The following DENND1A variants were observed in gnomAD, a reference collection of about 807,000 sequenced individuals.
DENND1A encodes the protein DENN domain-containing protein 1A.
In DENND1A, 51 loss-of-function variants were observed where a neutral mutation model predicts 113.7. That is an observed-to-expected ratio of 0.45 (90% confidence interval 0.36 to 0.57). The LOEUF (loss-of-function observed/expected upper bound fraction) is 0.57. Ranked by LOEUF, DENND1A falls within the 20% of genes least tolerant of loss-of-function variation. The pLI is 0.00. For missense variants in DENND1A, 1,258 were observed against 1,395.9 expected (o/e 0.90, Z 1.57); for synonymous variants, 565 against 570.8 (o/e 0.99, Z 0.14).
intron 13 of DENND1A, among the ~76,000 whole-genome samples, chr9:123,493,710 T>C (rs2051593858): frequency 6.6e-6 from 1 of 152,138 alleles, no homozygotes; most frequent in Non-Finnish European, 1.5e-5. Context: ...ACTTTGCCCC[T>C]AGTGGTACCG....
At chr9:123,409,689 G>A (rs1382383738) in intron 20 of DENND1A, among the ~76,000 whole-genome samples, 1 of 152,070 alleles carries the variant, frequency 6.6e-6, no homozygotes, top group African/African-American at 2.4e-5. Flanking sequence ...GCGCAGCTGG[G>A]ATGAGGTACC....
In DENND1A at chr9:123,409,501, C is replaced by G. The variant is rs151297978; in HGVS notation, c.1542+2275G>C. On this transcript the variant is annotated intron_variant, in intron 20 of 23. Transcript: ENST00000394215. ...ATCCGAAACAAACTGAAAGCTGAAA[C>G]TATTCTGGTCCCAAGCAGAAGACGG... Among the ~76,000 whole-genome samples, 150 of 151,174 alleles carry G rather than the reference C, an allele frequency of 9.9e-4. 2 individuals carry two copies. Among genetic ancestry groups the G allele is most frequent in the Non-Finnish European group, 1.6e-3 (108 of 67,782 alleles).
intron 2 of DENND1A, among the ~76,000 whole-genome samples, chr9:123,813,628 T>C (rs776516885): frequency 4.6e-5 from 7 of 152,130 alleles, no homozygotes; most frequent in Non-Finnish European, 8.8e-5. Flanking sequence ...CGGCTTTACT[T>C]AGACCCGAAA....
intron 12 of DENND1A, among the ~76,000 whole-genome samples, chr9:123,561,322 C>A (rs10986054): frequency 6.6e-6 from 1 of 152,052 alleles, no homozygotes; most frequent in Non-Finnish European, 1.5e-5. Context: ...ACGAGTGTGT[C>A]CCTTCCTGCC....
intron 13 of DENND1A, among the ~76,000 whole-genome samples, chr9:123,490,773 G>T (rs1052120877): frequency 6.6e-6 from 1 of 151,984 alleles, no homozygotes; most frequent in Non-Finnish European, 1.5e-5. Context: ...AATTATTAAT[G>T]AGAGTTACGT....
chr9:123,602,137 C>T (rs1190947570), intron 11 of DENND1A, among the ~76,000 whole-genome samples: 1 of 152,208 alleles, frequency 6.6e-6, no homozygotes, highest in Non-Finnish European at 1.5e-5. Flanking sequence ...TGAATACCAA[C>T]ATCTGCAGAT....
At chr9:123,500,872 G>A (rs2052420000) in intron 13 of DENND1A, among the ~76,000 whole-genome samples, 1 of 152,190 alleles carries the variant, frequency 6.6e-6, no homozygotes, top group Non-Finnish European at 1.5e-5. Context: ...GTGCTAGAGG[G>A]TTGCTGCATC....
intron 13 of DENND1A, among the ~76,000 whole-genome samples, chr9:123,535,191 C>T (rs1475730695): frequency 6.6e-6 from 1 of 152,198 alleles, no homozygotes; most frequent in Admixed American, 6.5e-5. Context: ...TTTTCCCACA[C>T]AACAGCCAAA....
intron 2 of DENND1A, among the ~76,000 whole-genome samples, chr9:123,834,572 T>C (rs73666299): frequency 0.024 from 3,594 of 152,294 alleles, 159 homozygotes; most frequent in African/African-American, 0.081. Context: ...AACACGTATA[T>C]ATATGCTTAC....
intron 12 of DENND1A, among the ~76,000 whole-genome samples, chr9:123,576,278 T>C (rs929643350): frequency 2.0e-5 from 3 of 152,240 alleles, no homozygotes; most frequent in African/African-American, 7.2e-5. Context: ...CCTCCACTGG[T>C]ATTATTTTTA....
At chr9:123,739,043 G>T (rs768637893) in intron 5 of DENND1A, among the ~76,000 whole-genome samples, 4 of 152,158 alleles carry the variant, frequency 2.6e-5, no homozygotes, top group African/African-American at 7.2e-5. Flanking sequence ...TCACATTCCA[G>T]CCTTCATAGG....
intron 13 of DENND1A, among the ~76,000 whole-genome samples, chr9:123,518,710 T>C (rs1220913825): frequency 6.6e-6 from 1 of 152,140 alleles, no homozygotes; most frequent in Non-Finnish European, 1.5e-5. Context: ...AAAAAAGCTC[T>C]TTCCTCTCCA....
At chr9:123,721,858 A>C (rs2067365678) in intron 5 of DENND1A, among the ~76,000 whole-genome samples, 1 of 152,206 alleles carries the variant, frequency 6.6e-6, no homozygotes. Flanking sequence ...CTTTATCAGC[A>C]GTGTGAAAAC....
At chr9:123,787,810 C>T (rs1047090518) in intron 3 of DENND1A, among the ~76,000 whole-genome samples, 9 of 152,044 alleles carry the variant, frequency 5.9e-5, no homozygotes, top group African/African-American at 2.2e-4. Context: ...CCCAATGTGC[C>T]ATGTTTCTAC....
rs1331901857 is a variant in DENND1A at position 123,593,946 on chromosome 9, T to C, written c.766-10676A>G. On this transcript the variant is annotated intron_variant, in intron 11 of 23. Coordinates refer to ENST00000394215, the MANE Select transcript of DENND1A (RefSeq NM_001352964.2). ...TCTGGTTGTTTGAAAGTGTGTAGCATTCCCCTCTCTCTCTCTTTCTCCTGC... is the reference window on the plus strand; with the variant it reads ...TCTGGTTGTTTGAAAGTGTGTAGCACTCCCCTCTCTCTCTCTTTCTCCTGC... 2.0e-5 allele frequency among the ~76,000 whole-genome samples: 3 copies of C among 152,140 alleles called. No individual in the cohort carries two copies. In the East Asian group the frequency reaches 5.8e-4, roughly 29 times the overall value.
chr9:123,659,611 C>T (rs1470369082), intron 8 of DENND1A, among the ~76,000 whole-genome samples: 2 of 152,186 alleles, frequency 1.3e-5, no homozygotes, highest in African/African-American at 4.8e-5. Flanking sequence ...CAGACATTGT[C>T]CTTGGAACGC....
chr9:123,574,059 C>A (rs936305761), intron 12 of DENND1A, among the ~76,000 whole-genome samples: 2 of 151,174 alleles, frequency 1.3e-5, no homozygotes, highest in African/African-American at 4.9e-5. Flanking sequence ...AAATATTTAG[C>A]CAACCTGTAT....
chr9:123,903,360 T>TAAAAAAA (rs1852079085), intron 1 of DENND1A, among the ~76,000 whole-genome samples: 2 of 90,102 alleles, frequency 2.2e-5, no homozygotes, highest in African/African-American at 1.1e-4. Context: ...AAAAAAAAAC[T>TAAAAAAA]GGAAAAAAAG....
chr9:123,715,683 C>T (rs1400418168), intron 5 of DENND1A, among the ~76,000 whole-genome samples: 2 of 151,788 alleles, frequency 1.3e-5, no homozygotes, highest in Non-Finnish European at 2.9e-5. Flanking sequence ...TTTATTGTTG[C>T]TTTTTGTTTT....
Sources: allele counts gnomAD v4.1 joint callset (sites outside exome capture counted in the v4.1 genomes callset), GRCh38; gene constraint gnomAD v4.1.1; transcripts MANE v1.5; gene names NCBI Gene and HGNC (gene_info 2026-07-23, HGNC 2026-07-21).